SEZ6L: variants seen among roughly 807,000 people sequenced by gnomAD.
The protein encoded by SEZ6L is seizure related 6 homolog like, also known as seizure 6-like protein.
SEZ6L carries 37 observed loss-of-function variants against 106.2 expected under a neutral mutation model. The observed-to-expected ratio is 0.35, with a 90% CI of 0.27 to 0.46. The LOEUF is 0.46. Ranked by LOEUF, SEZ6L falls within the 20% of genes least tolerant of loss-of-function variation. The probability of loss-of-function intolerance (pLI) is 1.00; values close to 1 mark genes in which losing one functional copy is unlikely to be tolerated. For missense variants in SEZ6L, 1,172 were observed against 1,332.8 expected (o/e 0.88, Z 1.88); for synonymous variants, 541 against 570.4 (o/e 0.95, Z 0.73).
rs896534934 is a variant in SEZ6L at position 26,369,408 on chromosome 22, C to T, written c.2794+3842C>T. ...AGGCTGGAGTGCAGTGGCTGGATCT[C>T]GGCTCACTGCAAGCTCCGCCTCCCG... On this transcript the variant is annotated intron_variant, in intron 13 of 16. Transcript: ENST00000248933. Among the ~76,000 whole-genome samples the T allele has an allele frequency of 9.4e-5, 13 of 138,848 alleles. 1 individual carries two copies. The highest frequency in any genetic ancestry group is 1.6e-4 in the Admixed American group (2 of 12,754). 91.1% of individuals were successfully genotyped at this position (138,848 alleles called of 152,430 possible). A position where few individuals can be genotyped will look rare whatever the true frequency, so the allele number is the denominator to read the frequency against.
chr22:26,238,133 T>A (rs971730675), intron 1 of SEZ6L, among the ~76,000 whole-genome samples: 1 of 152,090 alleles, frequency 6.6e-6, no homozygotes, highest in Non-Finnish European at 1.5e-5. Flanking sequence ...CTATTATTAA[T>A]TAAAGGGGCA....
At chr22:26,373,709 A>T (rs1353519393) in intron 14 of SEZ6L, among the ~76,000 whole-genome samples, 1 of 152,224 alleles carries the variant, frequency 6.6e-6, no homozygotes, top group East Asian at 1.9e-4. Context: ...GCTGTTCTGT[A>T]CATGGTAACA....
At chr22:26,257,446 A>G (rs935907838) in intron 1 of SEZ6L, among the ~76,000 whole-genome samples, 6 of 152,208 alleles carry the variant, frequency 3.9e-5, no homozygotes, top group African/African-American at 1.4e-4. Flanking sequence ...ATTCCTGTCT[A>G]TTAATTTCCT....
intron 1 of SEZ6L, among the ~76,000 whole-genome samples, chr22:26,193,145 G>A (rs148827594): frequency 3.6e-4 from 55 of 152,300 alleles, no homozygotes; most frequent in Middle Eastern, 3.4e-3. Context: ...AAAGGTTTAG[G>A]ATAATGAAGG....
chr22:26,340,367 G>C (rs2082789155), intron 9 of SEZ6L, 69 bp from the exon 10 acceptor site: 2 of 1,449,122 alleles, frequency 1.4e-6, no homozygotes, highest in East Asian at 2.3e-5. Flanking sequence ...GCCTGAAAAA[G>C]TTAATCAAGG....
At chr22:26,203,651 C>A (rs141252227) in intron 1 of SEZ6L, among the ~76,000 whole-genome samples, 1 of 152,282 alleles carries the variant, frequency 6.6e-6, no homozygotes, top group Non-Finnish European at 1.5e-5. Flanking sequence ...TTAAGTCTTA[C>A]AACAACTCTA....
chr22:26,211,421 C>T (rs183628497), intron 1 of SEZ6L, among the ~76,000 whole-genome samples: 114 of 152,274 alleles, frequency 7.5e-4, no homozygotes, highest in African/African-American at 2.7e-3. Context: ...CACCTCAGGT[C>T]CTAGGCCCAG....
chr22:26,285,848 G>T (rs909655010), intron 1 of SEZ6L, among the ~76,000 whole-genome samples: 6 of 152,222 alleles, frequency 3.9e-5, no homozygotes, highest in African/African-American at 1.4e-4. Flanking sequence ...AAACAGCCTT[G>T]TTCTTTCACT....
chr22:26,245,809 T>C (rs920378702), intron 1 of SEZ6L, among the ~76,000 whole-genome samples: 2 of 152,114 alleles, frequency 1.3e-5, no homozygotes, highest in African/African-American at 4.8e-5. Context: ...TTATTAGCAT[T>C]TTATTGTTGT....
intron 9 of SEZ6L, among the ~76,000 whole-genome samples, chr22:26,325,189 G>A (rs765566585): frequency 2.6e-5 from 4 of 152,204 alleles, no homozygotes; most frequent in Admixed American, 1.3e-4. Context: ...TGGCACAGCC[G>A]CACGTCTGCC....
intron 5 of SEZ6L, among the ~76,000 whole-genome samples, chr22:26,305,000 C>T (rs549513171): frequency 6.6e-5 from 10 of 152,280 alleles, no homozygotes; most frequent in Admixed American, 5.9e-4. Flanking sequence ...ATGGTACAGC[C>T]TATTGCTTCT....
At chr22:26,205,432 C>T (rs969447777) in intron 1 of SEZ6L, among the ~76,000 whole-genome samples, 1 of 152,230 alleles carries the variant, frequency 6.6e-6, no homozygotes, top group Non-Finnish European at 1.5e-5. Flanking sequence ...TGACCTTCTT[C>T]CTCAGGTTTA....
intron 1 of SEZ6L, among the ~76,000 whole-genome samples, chr22:26,264,447 T>C (rs780689582): frequency 5.3e-5 from 8 of 152,218 alleles, no homozygotes; most frequent in Non-Finnish European, 1.0e-4. Flanking sequence ...GCTGTATGAC[T>C]TCCAGAATTT....
chr22:26,311,475 G>A (rs1276395623), intron 7 of SEZ6L, among the ~76,000 whole-genome samples: 1 of 152,224 alleles, frequency 6.6e-6, no homozygotes, highest in African/African-American at 2.4e-5. Flanking sequence ...GAAGTTACGG[G>A]CCATGGGAAG....
intron 9 of SEZ6L, among the ~76,000 whole-genome samples, chr22:26,331,962 G>A (rs1364902834): frequency 1.3e-5 from 2 of 151,802 alleles, no homozygotes; most frequent in African/African-American, 4.8e-5. Context: ...TCCAGCCCGG[G>A]CAACAGAGCA....
At chr22:26,368,114 T>C (rs1219425500) in intron 13 of SEZ6L, among the ~76,000 whole-genome samples, 4 of 152,170 alleles carry the variant, frequency 2.6e-5, no homozygotes, top group Non-Finnish European at 4.4e-5. Context: ...GAATTTGCCC[T>C]CCAGAAGGAA....
chr22:26,204,309 T>C (rs1192195858), intron 1 of SEZ6L, among the ~76,000 whole-genome samples: 1 of 152,200 alleles, frequency 6.6e-6, no homozygotes, highest in Non-Finnish European at 1.5e-5. Context: ...CTAACTACTA[T>C]TGTGATGGGT....
At chr22:26,196,195 T>C (rs1940569699) in intron 1 of SEZ6L, among the ~76,000 whole-genome samples, 1 of 152,146 alleles carries the variant, frequency 6.6e-6, no homozygotes, top group Non-Finnish European at 1.5e-5. Flanking sequence ...ATGTGGCACC[T>C]CCCCTTTCTC....
chr22:26,337,192 A>C (rs2082672628), intron 9 of SEZ6L, among the ~76,000 whole-genome samples: 1 of 152,240 alleles, frequency 6.6e-6, no homozygotes, highest in Non-Finnish European at 1.5e-5. Context: ...GACAAAGCTG[A>C]GAATCAAACC....
Sources: gnomAD v4.1 joint callset for allele counts (sites outside exome capture counted in the v4.1 genomes callset) on GRCh38, gnomAD v4.1.1 for gene constraint, MANE v1.5 for transcripts, NCBI Gene and HGNC (gene_info 2026-07-23, HGNC 2026-07-21) for gene names.